Variants in CRYBG3 observed in about 807,000 individuals in gnomAD.
CRYBG3 encodes the protein very large A-kinase anchor protein.
CRYBG3 carries 127 observed loss-of-function variants against 244.2 expected under a neutral mutation model. The observed-to-expected ratio is 0.52, with a 90% CI of 0.45 to 0.60. CRYBG3 has a LOEUF of 0.60. CRYBG3 is among the 20% of genes least tolerant of loss of function. The pLI, the probability that CRYBG3 is intolerant of heterozygous loss-of-function variation, is 0.00. For missense variants in CRYBG3, 3,325 were observed against 3,442.5 expected (o/e 0.97, Z 0.85); for synonymous variants, 1,132 against 1,195.8 (o/e 0.95, Z 1.10).
chr3:97,930,556 A>G (rs1196878054), intron 17 of CRYBG3, among the ~76,000 whole-genome samples: 2 of 152,018 alleles, frequency 1.3e-5, no homozygotes, highest in East Asian at 1.9e-4. Context: ...GGGAAAATCA[A>G]TGCTCCTAGG....
intron 2 of CRYBG3, among the ~76,000 whole-genome samples, chr3:97,848,098 AT>A (rs946601227): frequency 6.6e-6 from 1 of 152,178 alleles, no homozygotes; most frequent in African/African-American, 2.4e-5. Flanking sequence ...TAAGATGAAT[AT>A]TTTAAATATT....
At position 97,941,297 on chromosome 3, in the gene CRYBG3, T is replaced by C. The variant is rs771151543; in HGVS notation, c.8655T>C (p.Phe2885=). The change falls in exon 20 of 22, where the codon TTT becomes TTC. Residue 2885 remains phenylalanine (F), a synonymous_variant. Transcript: ENST00000389622. The part of the protein sequence containing the change: ...TQIWYYCRGL[F]KSKASDTCLD... ...TCTGGTACTACTGCCGAGGACTCTT[T>C]AAATCCAAGGTAAGCAATCCCACTG... The C allele has an allele frequency of 1.2e-6, 2 of 1,606,018 alleles. No individual in the cohort carries two copies. Among genetic ancestry groups the C allele is most frequent in the East Asian group, 2.2e-5 (1 of 44,674 alleles).
At position 97,885,293 on chromosome 3, in the gene CRYBG3, G is replaced by A. The variant is rs140317751; in HGVS notation, c.7153-1338G>A. 8.5e-4 allele frequency among the ~76,000 whole-genome samples: 130 copies of A among 152,084 alleles called. 1 individual carries two copies. The East Asian group carries it at 0.023, about 27-fold the overall frequency. On this transcript the variant is annotated intron_variant, in intron 7 of 21. Coordinates refer to ENST00000389622, the MANE Select transcript of CRYBG3 (RefSeq NM_153605.4). ...AAGAATGATTGAGAATTCAGTTTGG[G>A]GAAAAGTTGAAAAATCAGACTATTA...
chr3:97,930,313 G>A (rs371867980), intron 17 of CRYBG3, among the ~76,000 whole-genome samples: 163 of 152,018 alleles, frequency 1.1e-3, no homozygotes, highest in African/African-American at 3.8e-3. Context: ...AGGTAAAGTG[G>A]AATACTTTCT....
chr3:97,883,274 T>A (rs1383114547), intron 7 of CRYBG3, among the ~76,000 whole-genome samples: 3 of 152,212 alleles, frequency 2.0e-5, no homozygotes, highest in Non-Finnish European at 4.4e-5. Context: ...TTAACTGTAG[T>A]CAGTTCAGTT....
At chr3:97,854,724 A>C (rs1270038600) in intron 2 of CRYBG3, among the ~76,000 whole-genome samples, 1 of 151,632 alleles carries the variant, frequency 6.6e-6, no homozygotes, top group Non-Finnish European at 1.5e-5. Context: ...AATTTTACTG[A>C]ATTCATGTAT....
At chr3:97,914,549 G>T (rs546483562) in intron 16 of CRYBG3, among the ~76,000 whole-genome samples, 1 of 152,232 alleles carries the variant, frequency 6.6e-6, no homozygotes, top group Non-Finnish European at 1.5e-5. Context: ...ACCTGGATTT[G>T]AGCCCAGTTC....
At chr3:97,851,379 C>T (rs897026532) in intron 2 of CRYBG3, among the ~76,000 whole-genome samples, 3 of 152,114 alleles carry the variant, frequency 2.0e-5, no homozygotes, top group Admixed American at 6.6e-5. Context: ...TTAATAACTT[C>T]AGTAATAATC....
intron 9 of CRYBG3, among the ~76,000 whole-genome samples, chr3:97,888,966 A>G (rs2039541166): frequency 6.6e-6 from 1 of 152,192 alleles, no homozygotes; most frequent in African/African-American, 2.4e-5. Flanking sequence ...TTAGCTGGCT[A>G]AGAAATCTAC....
chr3:97,904,251 A>C lies in CRYBG3; in HGVS notation c.8004+3766A>C, dbSNP rs831891. On this transcript the variant is annotated intron_variant, in intron 15 of 21. Coordinates refer to ENST00000389622, the MANE Select transcript of CRYBG3 (RefSeq NM_153605.4). ...TTTTGAGGATTGATAAGGTGATCAAAGTGAGGCATATTTTTGTAGAATTGG... is the reference window on the plus strand; with the variant it reads ...TTTTGAGGATTGATAAGGTGATCAACGTGAGGCATATTTTTGTAGAATTGG... 2.5e-3 allele frequency among the ~76,000 whole-genome samples: 382 copies of C among 152,288 alleles called. 3 individuals carry two copies. The East Asian group carries it at 0.025, about 10-fold the overall frequency.
Position 97,943,511 on chromosome 3 carries a change from T to C in CRYBG3, c.*197T>C. The C allele has an allele frequency of 1.9e-6, 1 of 528,470 alleles. No individual in the cohort carries two copies. The highest frequency in any genetic ancestry group is 3.3e-6 in the Non-Finnish European group (1 of 305,466). 32.7% of individuals were successfully genotyped at this position (528,470 alleles called of 1,614,324 possible). On this transcript the variant is annotated 3_prime_UTR_variant, in exon 22 of 22. Transcript: ENST00000389622. ...AAAATATTCTTGCCATTACTCAGTGTTCCTATAAAGAAAATATTATGATAT... is the reference window on the plus strand; with the variant it reads ...AAAATATTCTTGCCATTACTCAGTGCTCCTATAAAGAAAATATTATGATAT...
chr3:97,926,847 T>C (rs1307527564), intron 17 of CRYBG3, among the ~76,000 whole-genome samples: 1 of 151,882 alleles, frequency 6.6e-6, no homozygotes, highest in East Asian at 1.9e-4. Context: ...AATATCTAGA[T>C]ATACAGCTCA....
At chr3:97,915,242 C>T (rs2039914537) in intron 16 of CRYBG3, among the ~76,000 whole-genome samples, 2 of 152,078 alleles carry the variant, frequency 1.3e-5, no homozygotes, top group South Asian at 2.1e-4. Context: ...TAGCTTAAAG[C>T]ACACATTGTC....
At chr3:97,840,879 A>T (rs1325178805) in intron 1 of CRYBG3, among the ~76,000 whole-genome samples, 2 of 152,058 alleles carry the variant, frequency 1.3e-5, no homozygotes, top group East Asian at 3.9e-4. Flanking sequence ...TTATAACATG[A>T]TCTTTTTACA....
intron 2 of CRYBG3, among the ~76,000 whole-genome samples, chr3:97,851,105 C>T (rs2038979709): frequency 6.7e-6 from 1 of 149,994 alleles, no homozygotes; most frequent in Admixed American, 6.6e-5. Flanking sequence ...TGCACTCCAG[C>T]CTGGGTGACA....
intron 17 of CRYBG3, among the ~76,000 whole-genome samples, chr3:97,919,573 C>G (rs1481648833): frequency 1.3e-5 from 2 of 151,938 alleles, no homozygotes; most frequent in African/African-American, 4.8e-5. Context: ...GATTGCTTAA[C>G]AGTGATTACA....
At chr3:97,878,342 A>G (rs2039407816) in intron 4 of CRYBG3, among the ~76,000 whole-genome samples, 1 of 152,144 alleles carries the variant, frequency 6.6e-6, no homozygotes, top group African/African-American at 2.4e-5. Context: ...CCTGGGAGGT[A>G]GAGGTTGCAG....
Position 97,888,558 on chromosome 3 carries a change from G to A in CRYBG3, c.7404+103G>A, listed in dbSNP as rs2039536218. 24 of 755,288 alleles carry A rather than the reference G, an allele frequency of 3.2e-5. No individual in the cohort carries two copies. In the South Asian group the frequency reaches 3.5e-4, roughly 11 times the overall value. The allele number at this position is 755,288 out of a possible 1,614,324, so 46.8% of individuals were successfully genotyped here. A position where few individuals can be genotyped will look rare whatever the true frequency, so the allele number is the denominator to read the frequency against. ...ATGCATCTCAATCTCAAGTGAATAT[G>A]TGTACTACTGAATTGGCAAACTATT... is the stretch of plus-strand genomic sequence containing the variant. On this transcript the variant is annotated intron_variant, in intron 9 of 21. Transcript: ENST00000389622.
chr3:97,878,683 A>G (rs144759127), intron 4 of CRYBG3, among the ~76,000 whole-genome samples: 1 of 152,314 alleles, frequency 6.6e-6, no homozygotes, highest in Admixed American at 6.5e-5. Context: ...GTCACTTTGC[A>G]TTTAGCTTAT....
Sources: allele counts gnomAD v4.1 joint callset (sites outside exome capture counted in the v4.1 genomes callset), GRCh38; gene constraint gnomAD v4.1.1; transcripts MANE v1.5; gene names NCBI Gene and HGNC (gene_info 2026-07-23, HGNC 2026-07-21).